Variants in PTER observed in about 807,000 individuals in gnomAD.
PTER encodes N-acetyltaurine hydrolase.
In PTER, 38 loss-of-function variants were observed where a neutral mutation model predicts 29.6. The observed-to-expected ratio is 1.28, with a 90% confidence interval of 0.99 to 1.68. PTER has a LOEUF of 1.68. Among genes scored for constraint, PTER ranks in the 40% most tolerant of loss-of-function variants. PTER has a pLI of 0.00. For synonymous variants in PTER, 172 were observed against 154.5 expected (o/e 1.11, Z -0.84); for missense variants, 482 against 427.8 (o/e 1.13, Z -1.12).
chr10:16,500,263 CACCCAGGCTGGAGTGCAGCAGTGCG>C lies in PTER; in HGVS notation c.699-4728_699-4704del, dbSNP rs879320094. The stretch of plus-strand genomic sequence containing the variant: ...TTTTTGAGACAAGGTCTCACTCTGT[CACCCAGGCTGGAGTGCAGCAGTGCG>C]ACCCAGGCTGGAGTGCAGCAGTGCG... On this transcript the variant is annotated intron_variant, in intron 3 of 4. Transcript: ENST00000535784. Among the ~76,000 whole-genome samples, 1,441 of 151,244 alleles carry C rather than the reference CACCCAGGCTGGAGTGCAGCAGTGCG, an allele frequency of 9.5e-3. 12 individuals are homozygous for C. Among genetic ancestry groups the C allele is most frequent in the Non-Finnish European group, 0.013 (916 of 67,862 alleles).
At chr10:16,470,874 T>A (rs2133415498) in intron 1 of PTER, among the ~76,000 whole-genome samples, 1 of 152,318 alleles carries the variant, frequency 6.6e-6, no homozygotes, top group East Asian at 1.9e-4. Context: ...TGTTCTTGAT[T>A]CTTTTTTTTT....
intron 1 of PTER, among the ~76,000 whole-genome samples, chr10:16,438,690 G>A (rs1295290786): frequency 1.3e-5 from 2 of 151,060 alleles, no homozygotes; most frequent in Non-Finnish European, 3.0e-5. Context: ...CACTTTGGGA[G>A]GCTGAGGCAG....
intron 1 of PTER, among the ~76,000 whole-genome samples, chr10:16,457,108 T>C (rs1196079695): frequency 6.6e-6 from 1 of 152,178 alleles, no homozygotes; most frequent in African/African-American, 2.4e-5. Flanking sequence ...CAGAGTGAAT[T>C]AGTGAATACA....
chr10:16,508,216 C>A (rs1460720680), intron 4 of PTER, among the ~76,000 whole-genome samples: 1 of 151,696 alleles, frequency 6.6e-6, no homozygotes, highest in African/African-American at 2.4e-5. Flanking sequence ...CTACAGGCAC[C>A]CGCCACCACG....
intron 1 of PTER, among the ~76,000 whole-genome samples, chr10:16,454,494 T>G (rs768764946): frequency 2.6e-5 from 4 of 151,768 alleles, no homozygotes; most frequent in African/African-American, 9.7e-5. Flanking sequence ...GAGAATTGCT[T>G]GAACCCGGGA....
At chr10:16,493,290 A>G (rs1835969432) in intron 3 of PTER, among the ~76,000 whole-genome samples, 1 of 152,236 alleles carries the variant, frequency 6.6e-6, no homozygotes, top group African/African-American at 2.4e-5. Context: ...ACAAACTGAA[A>G]CTGAGCAAAA....
At chr10:16,444,059 T>G (rs999033741) in intron 1 of PTER, among the ~76,000 whole-genome samples, 13 of 151,674 alleles carry the variant, frequency 8.6e-5, no homozygotes, top group African/African-American at 3.2e-4. Flanking sequence ...TGGAGTGCAT[T>G]GGCGCGATCT....
chr10:16,490,572 C>T (rs776855819), intron 3 of PTER, among the ~76,000 whole-genome samples: 10 of 151,780 alleles, frequency 6.6e-5, no homozygotes, highest in East Asian at 1.9e-4. Context: ...CTCTGTCCCG[C>T]GAGCAAGTAA....
At chr10:16,458,901 C>A (rs1834506560) in intron 1 of PTER, among the ~76,000 whole-genome samples, 1 of 152,102 alleles carries the variant, frequency 6.6e-6, no homozygotes, top group African/African-American at 2.4e-5. Context: ...AGCACCTTAC[C>A]TCCCTCAATA....
chr10:16,514,129 T>C, downstream of PTER: 1 of 396,662 alleles, frequency 2.5e-6, no homozygotes, highest in Non-Finnish European at 4.4e-6. Context: ...CCAAGTATCA[T>C]AATAAGCAGG....
chr10:16,446,968 T>C (rs371423339), intron 1 of PTER, among the ~76,000 whole-genome samples: 1 of 152,242 alleles, frequency 6.6e-6, no homozygotes, highest in East Asian at 1.9e-4. Flanking sequence ...TTTGTATTTT[T>C]AGTAGAGACA....
At chr10:16,460,774 T>C (rs1235316798) in intron 1 of PTER, among the ~76,000 whole-genome samples, 1 of 152,214 alleles carries the variant, frequency 6.6e-6, no homozygotes, top group Non-Finnish European at 1.5e-5. Context: ...AGTCTCACTC[T>C]GTTGCCCAGG....
chr10:16,488,003 T>A (rs1835766501), intron 3 of PTER, among the ~76,000 whole-genome samples: 1 of 152,118 alleles, frequency 6.6e-6, no homozygotes, highest in Non-Finnish European at 1.5e-5. Context: ...TTCTTTTACT[T>A]AATAAAAAAT....
At chr10:16,500,649 G>T (rs1237870666) in intron 3 of PTER, among the ~76,000 whole-genome samples, 8 of 152,238 alleles carry the variant, frequency 5.3e-5, no homozygotes, top group African/African-American at 1.7e-4. Flanking sequence ...AGATTCTTCA[G>T]TGAACGTTTA....
At chr10:16,486,190 C>T (rs753157895) in intron 2 of PTER, among the ~76,000 whole-genome samples, 162 bp from the exon 3 acceptor site, 1 of 152,134 alleles carries the variant, frequency 6.6e-6, no homozygotes, top group African/African-American at 2.4e-5. Context: ...TTGATTTGGC[C>T]AGCAAAATGC....
chr10:16,462,846 C>T (rs1221972420), intron 1 of PTER, among the ~76,000 whole-genome samples: 2 of 150,162 alleles, frequency 1.3e-5, no homozygotes, highest in African/African-American at 4.9e-5. Context: ...GCTGGGATTA[C>T]AGGCATGAGC....
intron 1 of PTER, among the ~76,000 whole-genome samples, chr10:16,472,160 T>C (rs1016940204): frequency 6.6e-6 from 1 of 152,228 alleles, no homozygotes; most frequent in Non-Finnish European, 1.5e-5. Flanking sequence ...TCATCTTGAA[T>C]GTGAAGCTGG....
chr10:16,437,750 A>G (rs759287083), intron 1 of PTER, among the ~76,000 whole-genome samples: 33 of 152,234 alleles, frequency 2.2e-4, no homozygotes, highest in Admixed American at 9.2e-4. Flanking sequence ...GCTAAGGTAC[A>G]GAAAAATTAG....
At chr10:16,492,973 T>C (rs1021260363) in intron 3 of PTER, among the ~76,000 whole-genome samples, 2 of 152,222 alleles carry the variant, frequency 1.3e-5, no homozygotes, top group Non-Finnish European at 2.9e-5. Context: ...AATTTTGATA[T>C]GTTTTTCATG....
Sources: allele counts gnomAD v4.1 joint callset (sites outside exome capture counted in the v4.1 genomes callset), GRCh38; gene constraint gnomAD v4.1.1; transcripts MANE v1.5; gene names NCBI Gene and HGNC (gene_info 2026-07-23, HGNC 2026-07-21).